The following PRKCA variants were observed in gnomAD, a reference collection of about 807,000 sequenced individuals.
The protein encoded by PRKCA is protein kinase C alpha type.
In PRKCA, 27 loss-of-function variants were observed where a neutral mutation model predicts 87.0. The observed-to-expected ratio is 0.31, with a 90% CI of 0.23 to 0.43. PRKCA has a LOEUF of 0.43. Ranked by LOEUF, PRKCA falls within the 20% of genes least tolerant of loss-of-function variation. The pLI is 1.00. For synonymous variants in PRKCA, 329 were observed against 311.1 expected, an observed-to-expected ratio of 1.06 and a Z score of -0.61; for missense variants, 518 against 852.3, an observed-to-expected ratio of 0.61 and a Z score of 4.88.
At chr17:66,485,026 G>A (rs1424620649) in intron 2 of PRKCA, among the ~76,000 whole-genome samples, 1 of 152,096 alleles carries the variant, frequency 6.6e-6, no homozygotes, top group Non-Finnish European at 1.5e-5. Flanking sequence ...GAAGAGAGAG[G>A]ATGTGAGAGA....
intron 2 of PRKCA, among the ~76,000 whole-genome samples, chr17:66,334,896 C>T (rs180903234): frequency 6.6e-5 from 10 of 152,258 alleles, no homozygotes; most frequent in African/African-American, 1.9e-4. Context: ...TATGGGAACA[C>T]ATAGAGTGGA....
chr17:66,492,734 C>A (rs1210916786), intron 2 of PRKCA, among the ~76,000 whole-genome samples: 4 of 152,220 alleles, frequency 2.6e-5, no homozygotes, highest in Admixed American at 6.5e-5. Flanking sequence ...CACAGCACGG[C>A]TTTATTATCC....
chr17:66,741,239 A>G (rs779736517), intron 11 of PRKCA, among the ~76,000 whole-genome samples: 2 of 152,226 alleles, frequency 1.3e-5, no homozygotes, highest in African/African-American at 2.4e-5. Flanking sequence ...ATCACCCACT[A>G]TACTTTGCCT....
intron 5 of PRKCA, among the ~76,000 whole-genome samples, chr17:66,664,908 G>C (rs1598856223): frequency 6.6e-6 from 1 of 152,136 alleles, no homozygotes; most frequent in Middle Eastern, 3.4e-3. Flanking sequence ...CCAAAGTGAT[G>C]GGATTACAGG....
intron 2 of PRKCA, among the ~76,000 whole-genome samples, chr17:66,467,009 C>G (rs1915116238): frequency 6.6e-6 from 1 of 152,146 alleles, no homozygotes; most frequent in Non-Finnish European, 1.5e-5. Flanking sequence ...CATATTCAAA[C>G]TGAACCTACT....
At chr17:66,510,432 G>A (rs1005048789) in intron 3 of PRKCA, among the ~76,000 whole-genome samples, 2 of 152,130 alleles carry the variant, frequency 1.3e-5, no homozygotes, top group Non-Finnish European at 2.9e-5. Flanking sequence ...AGGAAAAACT[G>A]CTTATTGAAA....
chr17:66,433,196 T>C (rs899684961), intron 2 of PRKCA, among the ~76,000 whole-genome samples: 1 of 152,174 alleles, frequency 6.6e-6, no homozygotes, highest in Non-Finnish European at 1.5e-5. Context: ...GAAGGCCGTG[T>C]ATACCTCAGT....
At chr17:66,505,388 A>G (rs1009263018) in intron 3 of PRKCA, among the ~76,000 whole-genome samples, 1 of 152,266 alleles carries the variant, frequency 6.6e-6, no homozygotes, top group East Asian at 1.9e-4. Context: ...CTGGGAAAAA[A>G]TGCGCGACGT....
chr17:66,724,426 C>T (rs1973691565), intron 8 of PRKCA, among the ~76,000 whole-genome samples: 2 of 152,170 alleles, frequency 1.3e-5, no homozygotes, highest in African/African-American at 4.8e-5. Context: ...CTGTGGACTG[C>T]TGCTCAGAGC....
At chr17:66,773,858 T>C (rs527611167) in intron 13 of PRKCA, 129 bp from the exon 14 acceptor site, 231 of 1,461,732 alleles carry the variant, frequency 1.6e-4, no homozygotes, top group Non-Finnish European at 2.1e-4. Flanking sequence ...TGGCGTAACA[T>C]CAAAGACAGA....
chr17:66,312,400 GT>G (rs1485771871), intron 2 of PRKCA, among the ~76,000 whole-genome samples: 2 of 152,166 alleles, frequency 1.3e-5, no homozygotes, highest in African/African-American at 4.8e-5. Flanking sequence ...TTGCTCAATT[GT>G]TTTTCTTCAT....
At chr17:66,432,066 G>A (rs1415659712) in intron 2 of PRKCA, among the ~76,000 whole-genome samples, 1 of 152,126 alleles carries the variant, frequency 6.6e-6, no homozygotes, top group African/African-American at 2.4e-5. Context: ...TCAAGAAAGA[G>A]AACATTGCCA....
At chr17:66,315,715 G>C (rs1284104189) in intron 2 of PRKCA, among the ~76,000 whole-genome samples, 1 of 152,042 alleles carries the variant, frequency 6.6e-6, no homozygotes, top group Non-Finnish European at 1.5e-5. Context: ...CCTGACCTCA[G>C]GTGATCCGCC....
intron 13 of PRKCA, among the ~76,000 whole-genome samples, chr17:66,759,296 C>A (rs1236347442): frequency 2.0e-5 from 3 of 151,242 alleles, no homozygotes; most frequent in Admixed American, 6.6e-5. Flanking sequence ...GCAGAGCTTG[C>A]AGTGAGCCAA....
chr17:66,771,897 T>C (rs976327548), intron 13 of PRKCA, among the ~76,000 whole-genome samples: 5 of 152,354 alleles, frequency 3.3e-5, no homozygotes, highest in African/African-American at 1.2e-4. Flanking sequence ...GCCCGCCGCT[T>C]CCTTATTTCT....
intron 8 of PRKCA, among the ~76,000 whole-genome samples, chr17:66,691,364 TAGAG>T (rs1216525565): frequency 4.6e-5 from 7 of 152,144 alleles, no homozygotes; most frequent in East Asian, 3.8e-4. Context: ...TATCTATCAA[TAGAG>T]AGAAAAGAAT....
At chr17:66,589,538 C>T (rs1042805567) in intron 3 of PRKCA, among the ~76,000 whole-genome samples, 1 of 152,114 alleles carries the variant, frequency 6.6e-6, no homozygotes, top group East Asian at 1.9e-4. Flanking sequence ...AAGGAGCAAT[C>T]TTTAAGTGAA....
At chr17:66,328,250 G>A (rs546522919) in intron 2 of PRKCA, among the ~76,000 whole-genome samples, 2 of 151,944 alleles carry the variant, frequency 1.3e-5, no homozygotes, top group Admixed American at 1.3e-4. Flanking sequence ...ACGGGGTCTC[G>A]CTATGTTGTC....
chr17:66,638,588 G>A (rs1971207484), intron 3 of PRKCA, among the ~76,000 whole-genome samples: 1 of 152,056 alleles, frequency 6.6e-6, no homozygotes, highest in African/African-American at 2.4e-5. Flanking sequence ...TTAAAAAGTA[G>A]TCATAGGCCA....
Sources: gnomAD v4.1 joint callset for allele counts (sites outside exome capture counted in the v4.1 genomes callset) on GRCh38, gnomAD v4.1.1 for gene constraint, MANE v1.5 for transcripts, NCBI Gene and HGNC (gene_info 2026-07-23, HGNC 2026-07-21) for gene names.